The following ZNF239 variants were observed in gnomAD, a reference collection of about 807,000 sequenced individuals.
ZNF239 encodes zinc finger protein 239.
A neutral mutation model predicts 27.5 loss-of-function variants in ZNF239; 16 were observed. The ratio of observed to expected loss-of-function variants is 0.58; its 90% CI spans 0.39 to 0.88. The LOEUF (loss-of-function observed/expected upper bound fraction) is 0.88, where lower values mean the gene tolerates loss of function less well. ZNF239 is among the 40% of genes least tolerant of loss of function. ZNF239 has a pLI of 0.00. For missense variants in ZNF239, 527 were observed against 551.9 expected (o/e 0.95, Z 0.45); for synonymous variants, 199 against 192.6 (o/e 1.03, Z -0.27).
At chr10:43,563,482 A>G (rs944464200) in intron 3 of ZNF239, among the ~76,000 whole-genome samples, 1 of 152,224 alleles carries the variant, frequency 6.6e-6, no homozygotes, top group African/African-American at 2.4e-5. Context: ...ATCTCATAAA[A>G]TTTTAATACA....
chr10:43,570,560 C>G (rs1837964311), intron 2 of ZNF239: 3 of 984,868 alleles, frequency 3.0e-6, no homozygotes, highest in Admixed American at 1.2e-4. Context: ...TCTTTTCTCT[C>G]CCTTATTTTT....
In ZNF239 at chr10:43,557,414, T is replaced by C. The variant is rs779621215; in HGVS notation, c.666A>G (p.Leu222=). The part of the protein sequence containing the change: ...CGKNFSQSSE[L]LLHQRDHTEE... Reference sequence around the variant, plus strand: ...CTGTGTGGTCTCTCTGATGAAGTAGTAGCTCTGAGCTTTGACTGAAGTTCT... The same window carrying C: ...CTGTGTGGTCTCTCTGATGAAGTAGCAGCTCTGAGCTTTGACTGAAGTTCT... The change falls in exon 4 of 4, where the codon CTA becomes CTG. Residue 222 remains leucine, a synonymous_variant. Transcript: ENST00000374446. The C allele has an allele frequency of 6.2e-7, 1 of 1,614,248 alleles. No homozygotes were observed. The highest frequency in any genetic ancestry group is 8.5e-7 in the Non-Finnish European group (1 of 1,180,044).
intron 3 of ZNF239, among the ~76,000 whole-genome samples, chr10:43,563,321 A>C (rs1406017605): frequency 1.3e-5 from 2 of 152,218 alleles, no homozygotes; most frequent in Middle Eastern, 3.2e-3. Context: ...GTCTAAAAGA[A>C]GAAGAAGAAA....
chr10:43,567,888 T>A lies in ZNF239; in HGVS notation c.-93+11A>T. 1.0e-6 allele frequency: 1 copy of A among 985,454 alleles called. No individual in the cohort carries two copies. Among genetic ancestry groups the A allele is most frequent in the Non-Finnish European group, 1.2e-6 (1 of 829,676 alleles). The allele number at this position is 985,454 out of a possible 1,614,324, so 61.0% of individuals were successfully genotyped here. A position where few individuals can be genotyped will look rare whatever the true frequency, so the allele number is the denominator to read the frequency against. On this transcript the variant is annotated intron_variant, in intron 3 of 3. Coordinates refer to ENST00000374446, the MANE Select transcript of ZNF239 (RefSeq NM_001099282.2). ...ATGGGCAGGTGTCCAAGTTCACATG[T>A]CCTTACCCACCAAGACCAAGTTTCT...
In ZNF239 at chr10:43,556,801, C is replaced by T. The variant is rs1472656226; in HGVS notation, c.1279G>A (p.Gly427Arg). The T allele has an allele frequency of 6.2e-7, 1 of 1,613,992 alleles. No individual in the cohort carries two copies. Among genetic ancestry groups the T allele is most frequent in the South Asian group, 1.1e-5 (1 of 91,076 alleles). ...TTGCTGCACTCATAGGGCTTCTCTC[C>T]AGTATGTACTCTCTGGTGGATGAGG... ...KLLIHQRVHT[G>R]EKPYECSKCG... Residue 427 changes from glycine (G) to arginine (R), a missense_variant, in exon 4 of 4, where the codon GGA becomes AGA. Transcript: ENST00000374446.
At chr10:43,558,661 C>T (rs891463049) in intron 3 of ZNF239, among the ~76,000 whole-genome samples, 1 of 152,160 alleles carries the variant, frequency 6.6e-6, no homozygotes, top group Non-Finnish European at 1.5e-5. Context: ...GTTGACCAGG[C>T]TGGCCTCCAA....
At position 43,557,202 on chromosome 10, in the gene ZNF239, C is replaced by T. The variant is rs777668133; in HGVS notation, c.878G>A (p.Cys293Tyr). ...AVHTGEKPYKCDKCGKGFSQS... is the reference protein window; with the variant it reads ...AVHTGEKPYKYDKCGKGFSQS... Reference sequence around the variant, plus strand: ...ACTAAAGCCCTTCCCACACTTGTCACATTTATAAGGTTTTTCGCCTGTATG... The same window carrying T: ...ACTAAAGCCCTTCCCACACTTGTCATATTTATAAGGTTTTTCGCCTGTATG... The change falls in exon 4 of 4, where the codon TGT (cysteine) becomes TAT (tyrosine). Residue 293 changes from cysteine (C) to tyrosine (Y), a missense_variant. Cys to Tyr is a radical substitution (Grantham distance 194, BLOSUM62 -2). Transcript: ENST00000374446. 1.9e-6 allele frequency: 3 copies of T among 1,613,900 alleles called. No homozygotes were observed. The highest frequency in any genetic ancestry group is 2.5e-6 in the Non-Finnish European group (3 of 1,180,010).
chr10:43,574,272 G>C (rs901155047), intron 1 of ZNF239, among the ~76,000 whole-genome samples: 1 of 152,214 alleles, frequency 6.6e-6, no homozygotes, highest in African/African-American at 2.4e-5. Context: ...CAGGAGGGAG[G>C]AGGGGCCATC....
intron 3 of ZNF239, among the ~76,000 whole-genome samples, chr10:43,563,387 G>A (rs1837405115): frequency 1.3e-5 from 2 of 152,100 alleles, no homozygotes; most frequent in South Asian, 4.1e-4. Flanking sequence ...CATGAGAAAA[G>A]GGGTCCTTTT....
chr10:43,558,862 G>C (rs941538962), intron 3 of ZNF239, among the ~76,000 whole-genome samples: 25 of 152,148 alleles, frequency 1.6e-4, no homozygotes, highest in Non-Finnish European at 5.9e-5. Flanking sequence ...TTCCTGGGAA[G>C]ACAAATACAC....
Position 43,556,832 on chromosome 10 carries a change from G to A in ZNF239, c.1248C>T (p.Ser416=). 6.2e-7 allele frequency: 1 copy of A among 1,613,082 alleles called. No individual in the cohort carries two copies. Among genetic ancestry groups the A allele is most frequent in the Non-Finnish European group, 8.5e-7 (1 of 1,179,748 alleles). Residue 416 remains serine (S), a synonymous_variant, in exon 4 of 4, where the codon TCC becomes TCT. Coordinates refer to ENST00000374446, the MANE Select transcript of ZNF239 (RefSeq NM_001099282.2). ...GTACTCTCTGGTGGATGAGGAGTTTGGAACTCTGGCTAAATCCCTTCCCAC... is the reference window on the plus strand; with the variant it reads ...GTACTCTCTGGTGGATGAGGAGTTTAGAACTCTGGCTAAATCCCTTCCCAC... ...GKCGKGFSQS[S]KLLIHQRVHT...
intron 3 of ZNF239, among the ~76,000 whole-genome samples, chr10:43,562,029 T>C (rs1837294308): frequency 6.6e-6 from 1 of 152,224 alleles, no homozygotes; most frequent in Admixed American, 6.5e-5. Flanking sequence ...GAACAACTAA[T>C]TACAAAGTCA....
Position 43,556,357 on chromosome 10 carries a change from C to A in ZNF239, c.*346G>T. On this transcript the variant is annotated 3_prime_UTR_variant, in exon 4 of 4. Transcript: ENST00000374446. ...CAAGGCACAAAATTTGAAGAGAAAC[C>A]AGAGTTTCAATTTCTCAGAGAATGT... 1 of 224,428 alleles carries A rather than the reference C, an allele frequency of 4.5e-6. No individual in the cohort carries two copies. Among genetic ancestry groups the A allele is most frequent in the African/African-American group, 2.2e-5 (1 of 44,490 alleles). 13.9% of individuals were successfully genotyped at this position (224,428 alleles called of 1,614,324 possible). A position where few individuals can be genotyped will look rare whatever the true frequency, so the allele number is the denominator to read the frequency against.
At chr10:43,568,077 C>CA in intron 2 of ZNF239, 56 bp from the exon 3 acceptor site, 1 of 985,804 alleles carries the variant, frequency 1.0e-6, no homozygotes, top group Middle Eastern at 5.2e-4. Context: ...AAATGCCCTG[C>CA]AAGTGGGGTG....
intron 2 of ZNF239, chr10:43,570,719 A>T (rs2132304680): frequency 1.1e-6 from 1 of 887,336 alleles, no homozygotes; most frequent in Non-Finnish European, 1.4e-6. Context: ...CAGTCTTAGT[A>T]AGACCCTTAT....
Position 43,556,984 on chromosome 10 carries a change from G to A in ZNF239, c.1096C>T (p.Arg366Trp), listed in dbSNP as rs199679357. The change falls in exon 4 of 4, where the codon CGG becomes TGG. Residue 366 changes from arginine to tryptophan, a missense_variant. Physicochemically the swap from Arg to Trp is moderately radical, Grantham distance 101. Coordinates refer to ENST00000374446, the MANE Select transcript of ZNF239 (RefSeq NM_001099282.2). ...GGCTTCTCTCCTGTGTGGATGCACC[G>A]GTGAATGTGAAGGTTCGAGCTCTGA... is the stretch of plus-strand genomic sequence containing the variant. ...FSQSSNLHIHRCIHTGEKPYQ... is the reference protein window; with the variant it reads ...FSQSSNLHIHWCIHTGEKPYQ... 70 of 1,613,986 alleles carry A rather than the reference G, an allele frequency of 4.3e-5. No individual in the cohort carries two copies. Among genetic ancestry groups the A allele is most frequent in the East Asian group, 1.6e-4 (7 of 44,880 alleles).
intron 3 of ZNF239, among the ~76,000 whole-genome samples, chr10:43,560,416 C>T (rs780456024): frequency 6.6e-6 from 1 of 152,010 alleles, no homozygotes; most frequent in Non-Finnish European, 1.5e-5. Flanking sequence ...AGGGCATGCC[C>T]CAGATAACTC....
At chr10:43,569,948 GTTTTT>G (rs1054372684) in intron 2 of ZNF239, among the ~76,000 whole-genome samples, 1 of 151,606 alleles carries the variant, frequency 6.6e-6, no homozygotes, top group Non-Finnish European at 1.5e-5. Flanking sequence ...TGAAGAACCA[GTTTTT>G]TTTTGTTTTT....
At chr10:43,566,596 G>T (rs1352173406) in intron 3 of ZNF239, among the ~76,000 whole-genome samples, 2 of 152,238 alleles carry the variant, frequency 1.3e-5, no homozygotes, top group East Asian at 3.9e-4. Flanking sequence ...ACTTTTCAGT[G>T]TTTTTTGTAG....
Sources: gnomAD v4.1 joint callset for allele counts (sites outside exome capture counted in the v4.1 genomes callset) on GRCh38, gnomAD v4.1.1 for gene constraint, MANE v1.5 for transcripts, NCBI Gene and HGNC (gene_info 2026-07-23, HGNC 2026-07-21) for gene names.